The following GRID1 variants were observed in gnomAD, a reference collection of about 807,000 sequenced individuals.
GRID1 encodes glutamate ionotropic receptor delta type subunit 1, also known as glutamate receptor ionotropic, delta-1.
A neutral mutation model predicts 98.0 loss-of-function variants in GRID1; 28 were observed. That is an observed-to-expected ratio of 0.29 (90% CI 0.21 to 0.39). The LOEUF is 0.39. Ranked by LOEUF, GRID1 falls within the 10% of genes least tolerant of loss-of-function variation. The probability of loss-of-function intolerance (pLI) is 1.00; values close to 1 mark genes in which losing one functional copy is unlikely to be tolerated. For missense variants in GRID1, 1,111 were observed against 1,340.5 expected, an observed-to-expected ratio of 0.83 and a Z score of 2.67; for synonymous variants, 553 against 538.5, an observed-to-expected ratio of 1.03 and a Z score of -0.37.
chr10:85,634,874 T>C (rs959833474), intron 13 of GRID1, among the ~76,000 whole-genome samples: 8 of 151,470 alleles, frequency 5.3e-5, no homozygotes, highest in Admixed American at 4.6e-4. Flanking sequence ...ACTTAAGTCA[T>C]AAAACCCAAA....
intron 4 of GRID1, among the ~76,000 whole-genome samples, chr10:85,924,390 C>T (rs1426294442): frequency 6.6e-6 from 1 of 152,166 alleles, no homozygotes; most frequent in African/African-American, 2.4e-5. Flanking sequence ...CTGAGAGGAT[C>T]TGAGAAAGAA....
intron 2 of GRID1, among the ~76,000 whole-genome samples, chr10:86,358,432 C>T (rs576314370): frequency 6.6e-6 from 1 of 152,106 alleles, no homozygotes; most frequent in Admixed American, 6.5e-5. Context: ...GCACAGGTAG[C>T]AGACAGCATT....
intron 4 of GRID1, among the ~76,000 whole-genome samples, chr10:86,034,956 A>G (rs894920018): frequency 2.3e-5 from 3 of 131,152 alleles, no homozygotes; most frequent in African/African-American, 5.8e-5. Flanking sequence ...ATGGATGGAT[A>G]GATGGTTGGA....
At chr10:86,226,131 C>T (rs1357855268) in intron 2 of GRID1, among the ~76,000 whole-genome samples, 1 of 151,996 alleles carries the variant, frequency 6.6e-6, no homozygotes, top group Non-Finnish European at 1.5e-5. Flanking sequence ...GAAGGACATC[C>T]CGGAAGACCT....
At chr10:85,928,628 C>G (rs1463481439) in intron 4 of GRID1, among the ~76,000 whole-genome samples, 4 of 152,222 alleles carry the variant, frequency 2.6e-5, no homozygotes, top group Non-Finnish European at 4.4e-5. Context: ...GGGGACAGCA[C>G]AGCTCACATC....
intron 5 of GRID1, among the ~76,000 whole-genome samples, chr10:85,915,340 A>G (rs1564625637): frequency 6.6e-6 from 1 of 152,050 alleles, no homozygotes; most frequent in African/African-American, 2.4e-5. Flanking sequence ...ACGTATACAC[A>G]CTCATGCACA....
intron 2 of GRID1, among the ~76,000 whole-genome samples, chr10:86,265,519 G>A (rs1024981629): frequency 1.3e-5 from 2 of 152,214 alleles, no homozygotes; most frequent in Admixed American, 6.5e-5. Context: ...ATCCAGATGT[G>A]TCTGAATCCA....
rs530415160 is a variant in GRID1, at chr10:86,201,443, T to C, written c.520+4921A>G. ...TAACACAGGAACAGAAAACCAAATATAGCATGTTCTCACTTATAAGTGGGA... is the reference window on the plus strand; with the variant it reads ...TAACACAGGAACAGAAAACCAAATACAGCATGTTCTCACTTATAAGTGGGA... On this transcript the variant is annotated intron_variant, in intron 3 of 15. Transcript: ENST00000327946. Among the ~76,000 whole-genome samples the C allele has an allele frequency of 1.4e-4, 22 of 152,056 alleles. No homozygotes were observed. The South Asian group carries it at 2.3e-3, about 16-fold the overall frequency.
At chr10:85,680,696 A>G (rs1841198905) in intron 12 of GRID1, among the ~76,000 whole-genome samples, 1 of 152,192 alleles carries the variant, frequency 6.6e-6, no homozygotes, top group Non-Finnish European at 1.5e-5. Context: ...TCACAGTACT[A>G]CTCACAATAG....
intron 8 of GRID1, among the ~76,000 whole-genome samples, chr10:85,756,767 G>A (rs765773834): frequency 5.9e-5 from 9 of 152,208 alleles, no homozygotes; most frequent in East Asian, 3.8e-4. Context: ...GAATACTACT[G>A]TATAGACACA....
intron 3 of GRID1, among the ~76,000 whole-genome samples, chr10:86,164,302 A>G (rs989180732): frequency 2.6e-5 from 4 of 152,154 alleles, no homozygotes; most frequent in Non-Finnish European, 4.4e-5. Context: ...AGAACCATGG[A>G]GGTGAGCAAG....
chr10:85,788,445 G>T (rs1312407587), intron 8 of GRID1, among the ~76,000 whole-genome samples: 1 of 152,152 alleles, frequency 6.6e-6, no homozygotes. Context: ...TTAAAGCAGG[G>T]ATGAGTCTGT....
chr10:86,151,378 T>G (rs1845166666), intron 3 of GRID1, among the ~76,000 whole-genome samples: 1 of 151,828 alleles, frequency 6.6e-6, no homozygotes, highest in East Asian at 1.9e-4. Context: ...CAACCCTGGA[T>G]CTGTCTACTA....
intron 4 of GRID1, among the ~76,000 whole-genome samples, chr10:86,047,556 C>G (rs1318238594): frequency 6.6e-6 from 1 of 152,174 alleles, no homozygotes; most frequent in Non-Finnish European, 1.5e-5. Context: ...AAACAGAGTT[C>G]CTAACCCTGC....
intron 4 of GRID1, among the ~76,000 whole-genome samples, chr10:86,078,823 T>G (rs532157741): frequency 4.6e-5 from 7 of 152,184 alleles, no homozygotes; most frequent in Admixed American, 2.0e-4. Context: ...TGGGACTGTG[T>G]TTGCCTTCCC....
intron 13 of GRID1, among the ~76,000 whole-genome samples, chr10:85,638,426 T>G (rs929886248): frequency 3.3e-5 from 5 of 152,198 alleles, no homozygotes; most frequent in Non-Finnish European, 5.9e-5. Flanking sequence ...TTGAAGGACT[T>G]ACAATACCTG....
intron 13 of GRID1, among the ~76,000 whole-genome samples, chr10:85,627,581 T>A (rs1842926835): frequency 6.6e-6 from 1 of 152,198 alleles, no homozygotes; most frequent in African/African-American, 2.4e-5. Context: ...TTTGAACATC[T>A]CTGTGTTGCC....
intron 8 of GRID1, among the ~76,000 whole-genome samples, chr10:85,808,223 A>G (rs886550554): frequency 2.6e-5 from 4 of 152,214 alleles, no homozygotes; most frequent in Non-Finnish European, 4.4e-5. Flanking sequence ...AGACATTATT[A>G]CCTGCAGATA....
intron 2 of GRID1, among the ~76,000 whole-genome samples, chr10:86,315,527 G>A (rs1321905433): frequency 2.0e-5 from 3 of 152,092 alleles, no homozygotes; most frequent in African/African-American, 7.2e-5. Context: ...CTGGATTTTG[G>A]CATATCTGGC....
Sources: allele counts gnomAD v4.1 joint callset (sites outside exome capture counted in the v4.1 genomes callset), GRCh38; gene constraint gnomAD v4.1.1; transcripts MANE v1.5; gene names NCBI Gene and HGNC (gene_info 2026-07-23, HGNC 2026-07-21).